The following KCNU1 variants were observed in gnomAD, a reference collection of about 807,000 sequenced individuals.
The protein encoded by KCNU1 is potassium calcium-activated channel subfamily U member 1.
Under a neutral mutation model 126.8 loss-of-function variants are expected in KCNU1, and 93 were observed. The observed-to-expected ratio is 0.73, with a 90% CI of 0.62 to 0.87. The LOEUF is 0.87. Ranked by LOEUF, KCNU1 falls within the 40% of genes least tolerant of loss-of-function variation. The pLI is 0.00. For synonymous variants in KCNU1, 523 were observed against 494.2 expected (o/e 1.06, Z -0.77); for missense variants, 1,330 against 1,367.1 (o/e 0.97, Z 0.43).
At chr8:36,873,820 G>A (rs1806188320) in intron 19 of KCNU1, among the ~76,000 whole-genome samples, 1 of 152,082 alleles carries the variant, frequency 6.6e-6, no homozygotes, top group Admixed American at 6.6e-5. Context: ...GGAATTGCTT[G>A]GTAAACATGC....
rs1174498634 is a variant in KCNU1, at chr8:36,878,682, T to A, written c.2009+14161T>A. On this transcript the variant is annotated intron_variant, in intron 19 of 26. Coordinates refer to ENST00000399881, the MANE Select transcript of KCNU1 (RefSeq NM_001031836.3). ...GGACTTGGAAGAAACTCCAAAGGAT[T>A]TATTCCAAATAAGCACAAGAACAAT... 2.6e-5 allele frequency among the ~76,000 whole-genome samples: 4 copies of A among 151,834 alleles called. No individual in the cohort carries two copies. The East Asian group carries it at 7.7e-4, about 29-fold the overall frequency.
chr8:36,872,699 A>G (rs1806146111), intron 19 of KCNU1, among the ~76,000 whole-genome samples: 1 of 152,198 alleles, frequency 6.6e-6, no homozygotes, highest in East Asian at 1.9e-4. Context: ...CCATAAAATA[A>G]TTGAAGTCAA....
intron 23 of KCNU1, among the ~76,000 whole-genome samples, chr8:36,920,696 G>T (rs1808306950): frequency 2.6e-5 from 4 of 152,148 alleles, no homozygotes; most frequent in Admixed American, 2.6e-4. Context: ...TTTGGACAAA[G>T]GCTCATGGGA....
Position 36,791,352 on chromosome 8 carries a change from G to A in KCNU1, c.315+3927G>A, listed in dbSNP as rs1028290505. On this transcript the variant is annotated intron_variant, in intron 2 of 26. Transcript: ENST00000399881. ...ACTGACTGTGTTTCTCTATTGCTTT[G>A]TGGCTAGAAAATGTAAAACCAAAAT... Among the ~76,000 whole-genome samples the A allele has an allele frequency of 5.3e-5, 8 of 152,152 alleles. No individual in the cohort carries two copies. In the East Asian group the frequency reaches 1.5e-3, roughly 29 times the overall value.
rs185223273 is a variant in KCNU1 at position 36,840,575 on chromosome 8, G to A, written c.1631G>A (p.Arg544Gln). Residue 544 changes from arginine to glutamine, a missense_variant and splice_region_variant, in exon 15 of 27, where the codon CGG (arginine) becomes CAG (glutamine). By Grantham distance (43) the Arg-to-Gln change is conservative. Transcript: ENST00000399881. ...GGAATGAGCTTTCCTGAAGTTGCCC[G>A]GTAAGTGAAGTGAAATACTTCCCTC... ...FAGMSFPEVA[R>Q]LCFLKMHLLL... 24 of 1,549,652 alleles carry A rather than the reference G, an allele frequency of 1.5e-5. No homozygotes were observed. The highest frequency in any genetic ancestry group is 1.0e-4 in the Admixed American group (6 of 59,528).
At position 36,841,023 on chromosome 8, in the gene KCNU1, T is replaced by C. The variant is rs755174484; in HGVS notation, c.1703+20T>C. The C allele has an allele frequency of 2.6e-6, 3 of 1,169,876 alleles. No homozygotes were observed. Among genetic ancestry groups the C allele is most frequent in the South Asian group, 2.6e-5 (2 of 76,402 alleles). The allele number at this position is 1,169,876 out of a possible 1,614,324, so 72.5% of individuals were successfully genotyped here. On this transcript the variant is annotated intron_variant, in intron 16 of 26. Transcript: ENST00000399881. ...TTTCTGGTACCAATAAGTCTGCTCATCTCTTCAGTTGTTTTTTTTTTTTTT... is the reference window on the plus strand; with the variant it reads ...TTTCTGGTACCAATAAGTCTGCTCACCTCTTCAGTTGTTTTTTTTTTTTTT...
At chr8:36,805,351 C>T in intron 4 of KCNU1, 66 bp downstream of exon 4, 1 of 965,430 alleles carries the variant, frequency 1.0e-6, no homozygotes, top group South Asian at 1.4e-5. Flanking sequence ...AGAGAACTAA[C>T]TGTGTCTCAG....
chr8:36,831,464 A>C (rs1046431740), intron 10 of KCNU1, among the ~76,000 whole-genome samples: 11 of 152,162 alleles, frequency 7.2e-5, no homozygotes, highest in Non-Finnish European at 1.3e-4. Context: ...ACTGCTGTGA[A>C]ATGGTATCTC....
At chr8:36,795,582 C>G (rs1220875788) in intron 2 of KCNU1, 1 of 152,782 alleles carries the variant, frequency 6.5e-6, no homozygotes, top group South Asian at 2.1e-4. Context: ...TTGCCCCTTC[C>G]TTTGCAGAAG....
intron 22 of KCNU1, among the ~76,000 whole-genome samples, chr8:36,912,897 G>A (rs1433139709): frequency 1.4e-5 from 2 of 139,418 alleles, no homozygotes; most frequent in Non-Finnish European, 3.0e-5. Flanking sequence ...GAACTCAAGA[G>A]GCAGAAGCTG....
intron 18 of KCNU1, among the ~76,000 whole-genome samples, chr8:36,848,224 A>G (rs774968697): frequency 1.3e-5 from 2 of 152,034 alleles, no homozygotes; most frequent in African/African-American, 4.8e-5. Context: ...GTTTGCAAAT[A>G]TTTTCTCCCA....
At chr8:36,912,953 CAAAAAAAAAA>C (rs71547665) in intron 22 of KCNU1, among the ~76,000 whole-genome samples, 1 of 37,364 alleles carries the variant, frequency 2.7e-5, no homozygotes, top group Non-Finnish European at 4.4e-5. Flanking sequence ...GGTGACAGAG[CAAAAAAAAAA>C]AAAAAAAAAA....
chr8:36,885,850 T>G (rs1006820451), intron 19 of KCNU1, among the ~76,000 whole-genome samples: 6 of 152,116 alleles, frequency 3.9e-5, no homozygotes, highest in African/African-American at 1.4e-4. Flanking sequence ...TACAAGGACC[T>G]GCTCTCCAGG....
intron 22 of KCNU1, among the ~76,000 whole-genome samples, chr8:36,916,177 G>A (rs1035575285): frequency 7.0e-6 from 1 of 143,176 alleles, no homozygotes; most frequent in African/African-American, 2.6e-5. Context: ...AAAGAAGGTA[G>A]GAAAGAAGGA....
At chr8:36,898,379 G>C (rs530227219) in intron 19 of KCNU1, among the ~76,000 whole-genome samples, 1 of 151,912 alleles carries the variant, frequency 6.6e-6, no homozygotes, top group East Asian at 1.9e-4. Context: ...TCCTTTTGGG[G>C]GTTATTAATG....
intron 24 of KCNU1, among the ~76,000 whole-genome samples, chr8:36,923,530 G>A (rs1808437341): frequency 6.6e-6 from 1 of 152,130 alleles, no homozygotes. Flanking sequence ...GGTGGGAGTT[G>A]TTAGAAATAG....
intron 19 of KCNU1, among the ~76,000 whole-genome samples, chr8:36,875,352 A>T (rs1806242061): frequency 6.7e-6 from 1 of 149,542 alleles, no homozygotes; most frequent in South Asian, 2.1e-4. Context: ...ACATACATAC[A>T]TTACATATAT....
chr8:36,934,653 G>A (rs556330318), intron 26 of KCNU1, among the ~76,000 whole-genome samples: 1 of 152,224 alleles, frequency 6.6e-6, no homozygotes, highest in African/African-American at 2.4e-5. Flanking sequence ...AGGACTCAGT[G>A]GGAAAAATAC....
In KCNU1 at chr8:36,918,904, G is replaced by A; in HGVS notation, c.2596+7G>A. On this transcript the variant is annotated splice_region_variant and intron_variant, in intron 23 of 26. Transcript: ENST00000399881. ...CCTATCCTTACTGAACTGAGTAAGTGGTGTTTCGAGGGGAAAATTCAATGG... is the reference window on the plus strand; with the variant it reads ...CCTATCCTTACTGAACTGAGTAAGTAGTGTTTCGAGGGGAAAATTCAATGG... 6.4e-7 allele frequency: 1 copy of A among 1,551,180 alleles called. No individual in the cohort carries two copies.
Sources: allele counts gnomAD v4.1 joint callset (sites outside exome capture counted in the v4.1 genomes callset), GRCh38; gene constraint gnomAD v4.1.1; transcripts MANE v1.5; gene names NCBI Gene and HGNC (gene_info 2026-07-23, HGNC 2026-07-21).